Variants in ROBO2 observed in about 807,000 individuals in gnomAD.
ROBO2 encodes roundabout guidance receptor 2.
Under a neutral mutation model 160.8 loss-of-function variants are expected in ROBO2, and 53 were observed. The observed-to-expected ratio is 0.33, with a 90% CI of 0.26 to 0.41. The LOEUF (loss-of-function observed/expected upper bound fraction) is 0.41, where lower values mean the gene tolerates loss of function less well. Among genes scored for constraint, ROBO2 ranks in the 10% least tolerant of loss-of-function variants. ROBO2 has a pLI of 1.00. For missense variants in ROBO2, 1,577 were observed against 1,722.4 expected (o/e 0.92, Z 1.49); for synonymous variants, 664 against 611.7 (o/e 1.09, Z -1.26).
At chr3:75,952,335 TATTCTGCTTTATAACATAAAGAATGA>T (rs1948572314) in intron 2 of ROBO2, among the ~76,000 whole-genome samples, 1 of 152,038 alleles carries the variant, frequency 6.6e-6, no homozygotes, top group African/African-American at 2.4e-5. Flanking sequence ...TTTCTGATTT[TATTCTGCTTTATAACATAAAGAATGA>T]AACTATATTT....
At chr3:76,798,296 G>GAAAGAAA (rs1553909482) in intron 2 of ROBO2, among the ~76,000 whole-genome samples, 1 of 149,350 alleles carries the variant, frequency 6.7e-6, no homozygotes, top group African/African-American at 2.5e-5. Context: ...AAGAAAGAAA[G>GAAAGAAA]AAAGAAAGAA....
intron 2 of ROBO2, among the ~76,000 whole-genome samples, chr3:77,258,059 C>T (rs1470857953): frequency 6.6e-6 from 1 of 152,174 alleles, no homozygotes; most frequent in Non-Finnish European, 1.5e-5. Flanking sequence ...GATTTTATAA[C>T]CTGTTGGTGA....
At position 76,890,477 on chromosome 3, in the gene ROBO2, C is replaced by T. The variant is rs1338162683; in HGVS notation, c.110-207537C>T. On this transcript the variant is annotated intron_variant, in intron 2 of 26. Coordinates refer to the ROBO2 transcript ENST00000487694. ...TATCAAGGGTGTTCTACCTCTACCC[C>T]AAACATCTCTTCTCAGTAGCTGTCT... Among the ~76,000 whole-genome samples the T allele has an allele frequency of 2.0e-5, 3 of 152,150 alleles. No individual in the cohort carries two copies. In the East Asian group the frequency reaches 5.8e-4, roughly 29 times the overall value.
chr3:76,483,076 C>A (rs1219654310), intron 2 of ROBO2, among the ~76,000 whole-genome samples: 3 of 151,944 alleles, frequency 2.0e-5, no homozygotes, highest in Non-Finnish European at 4.4e-5. Flanking sequence ...TACTTTCATG[C>A]TATATCTGAT....
intron 2 of ROBO2, among the ~76,000 whole-genome samples, chr3:76,373,523 C>T (rs77521042): frequency 1.3e-5 from 2 of 151,786 alleles, no homozygotes; most frequent in South Asian, 2.1e-4. Context: ...TATCATAGTA[C>T]GTATTGTATT....
At chr3:76,435,061 A>C (rs972135502) in intron 2 of ROBO2, 1 of 1,125,690 alleles carries the variant, frequency 8.9e-7, no homozygotes, top group Non-Finnish European at 1.4e-6. Context: ...GCTTACATAT[A>C]CAAGTGTGTC....
At position 77,109,739 on chromosome 3, in the gene ROBO2, C is replaced by G. The variant is rs760454386; in HGVS notation, c.388+11399C>G. Among the ~76,000 whole-genome samples the G allele has an allele frequency of 1.8e-3, 281 of 152,314 alleles. 2 individuals carry two copies. The highest frequency in any genetic ancestry group is 3.5e-3 in the Non-Finnish European group (236 of 68,022). The stretch of plus-strand genomic sequence containing the variant: ...TTTTCTCTCTATTGTATTTGAGGTA[C>G]ACAGAAAGGAGAGCTGGGATTTGAA... On this transcript the variant is annotated intron_variant, in intron 2 of 25. Coordinates refer to ENST00000461745, the Ensembl canonical transcript of ROBO2.
chr3:76,432,052 A>T (rs1212604272), intron 2 of ROBO2, among the ~76,000 whole-genome samples: 1 of 152,118 alleles, frequency 6.6e-6, no homozygotes, highest in Admixed American at 6.6e-5. Context: ...CAAAATGGTA[A>T]TCATCAAAGT....
intron 2 of ROBO2, among the ~76,000 whole-genome samples, chr3:76,826,605 A>G (rs1465566206): frequency 2.6e-5 from 4 of 152,158 alleles, no homozygotes; most frequent in African/African-American, 7.2e-5. Flanking sequence ...AGGACCTCCC[A>G]TACTGAGTGT....
exon 9 of ROBO2, chr3:77,558,051 C>A: frequency 6.2e-7 from 1 of 1,613,210 alleles, no homozygotes; most frequent in Non-Finnish European, 8.5e-7. Context: ...TGATCCTCTT[C>A]CTGTAATTAG....
chr3:76,365,637 A>G (rs1189266801), intron 2 of ROBO2, among the ~76,000 whole-genome samples: 1 of 152,054 alleles, frequency 6.6e-6, no homozygotes, highest in Non-Finnish European at 1.5e-5. Flanking sequence ...GCTGATTTTC[A>G]TATTTGACAT....
At chr3:76,409,137 C>T (rs190349802) in intron 2 of ROBO2, among the ~76,000 whole-genome samples, 1 of 152,070 alleles carries the variant, frequency 6.6e-6, no homozygotes, top group Admixed American at 6.5e-5. Flanking sequence ...TTGCTATACA[C>T]AAAACTAAGC....
chr3:77,477,630 A>G (rs1455853768), intron 3 of ROBO2, 59 bp downstream of exon 3: 2 of 1,441,592 alleles, frequency 1.4e-6, no homozygotes, highest in African/African-American at 1.4e-5. Context: ...AAAATACAAA[A>G]TAGATGTATT....
intron 2 of ROBO2, among the ~76,000 whole-genome samples, chr3:76,104,697 A>C (rs2069845529): frequency 1.3e-5 from 2 of 152,212 alleles, no homozygotes; most frequent in Non-Finnish European, 2.9e-5. Context: ...TGAAATCTTT[A>C]TGAGAGACAT....
At chr3:76,415,490 T>TC (rs2075718301) in intron 2 of ROBO2, among the ~76,000 whole-genome samples, 2 of 152,150 alleles carry the variant, frequency 1.3e-5, no homozygotes, top group Non-Finnish European at 2.9e-5. Context: ...ATATCATAAG[T>TC]ACTAAATATT....
At chr3:76,741,983 T>A (rs796073422) in intron 2 of ROBO2, among the ~76,000 whole-genome samples, 6 of 152,188 alleles carry the variant, frequency 3.9e-5, no homozygotes, top group African/African-American at 1.4e-4. Context: ...GTGTCAGGAT[T>A]TGACATCATC....
At chr3:77,394,920 T>C (rs2075120039) in intron 2 of ROBO2, among the ~76,000 whole-genome samples, 1 of 152,188 alleles carries the variant, frequency 6.6e-6, no homozygotes, top group South Asian at 2.1e-4. Context: ...TAATAACTAT[T>C]ATTCAATATA....
chr3:76,960,961 G>A (rs971898103), intron 2 of ROBO2, among the ~76,000 whole-genome samples: 3 of 152,004 alleles, frequency 2.0e-5, no homozygotes, highest in Non-Finnish European at 4.4e-5. Flanking sequence ...GAATAGACAA[G>A]CAGTGGTTTC....
At chr3:76,673,960 T>A (rs1424442717) in intron 2 of ROBO2, among the ~76,000 whole-genome samples, 3 of 152,118 alleles carry the variant, frequency 2.0e-5, no homozygotes, top group Non-Finnish European at 4.4e-5. Context: ...TTGAAAATGT[T>A]TTAAATCTAA....
Sources: gnomAD v4.1 joint callset for allele counts (sites outside exome capture counted in the v4.1 genomes callset) on GRCh38, gnomAD v4.1.1 for gene constraint, MANE v1.5 for transcripts, NCBI Gene and HGNC (gene_info 2026-07-23, HGNC 2026-07-21) for gene names.